IQCM: variants seen among roughly 807,000 people sequenced by gnomAD.
IQCM encodes IQ domain-containing protein M.
Under a neutral mutation model 57.6 loss-of-function variants are expected in IQCM, and 45 were observed. The ratio of observed to expected loss-of-function variants is 0.78; its 90% CI spans 0.62 to 1.00. The LOEUF (loss-of-function observed/expected upper bound fraction) is 1.00, where lower values mean the gene tolerates loss of function less well. Ranked by LOEUF, IQCM falls within the 50% of genes least tolerant of loss-of-function variation. IQCM has a pLI of 0.00. For synonymous variants in IQCM, 148 were observed against 158.9 expected, an observed-to-expected ratio of 0.93 and a Z score of 0.51; for missense variants, 468 against 511.6, an observed-to-expected ratio of 0.91 and a Z score of 0.82.
At chr4:149,721,665 T>C (rs1341004502) in intron 5 of IQCM, among the ~76,000 whole-genome samples, 1 of 152,208 alleles carries the variant, frequency 6.6e-6, no homozygotes, top group South Asian at 2.1e-4. Flanking sequence ...GGTATAAATA[T>C]ACCACATTTT....
intron 5 of IQCM, among the ~76,000 whole-genome samples, chr4:149,697,076 C>T (rs1482069605): frequency 2.6e-5 from 4 of 151,974 alleles, no homozygotes; most frequent in East Asian, 1.9e-4. Context: ...TCATAACATT[C>T]GTCTTTAAAT....
chr4:149,550,581 CT>C, intron 11 of IQCM, among the ~76,000 whole-genome samples: 1 of 152,012 alleles, frequency 6.6e-6, no homozygotes, highest in Non-Finnish European at 1.5e-5. Context: ...ATATTATGCC[CT>C]ATGAGCAAAC....
At chr4:149,449,458 T>C (rs938153080) in intron 12 of IQCM, among the ~76,000 whole-genome samples, 2 of 147,978 alleles carry the variant, frequency 1.4e-5, no homozygotes, top group East Asian at 3.9e-4. Flanking sequence ...ATCCTACTAA[T>C]ATTTTATTAT....
chr4:149,795,319 T>A (rs1773012201), intron 2 of IQCM, among the ~76,000 whole-genome samples: 1 of 152,080 alleles, frequency 6.6e-6, no homozygotes, highest in African/African-American at 2.4e-5. Flanking sequence ...GGCATTTAAC[T>A]CAGTGCTGTG....
intron 5 of IQCM, among the ~76,000 whole-genome samples, chr4:149,730,565 TC>T (rs1349679128): frequency 6.6e-6 from 1 of 152,204 alleles, no homozygotes; most frequent in African/African-American, 2.4e-5. Context: ...AACATCATAA[TC>T]ACTTTCTCAG....
chr4:149,615,024 A>C (rs1279006897), intron 8 of IQCM, among the ~76,000 whole-genome samples: 3 of 152,242 alleles, frequency 2.0e-5, no homozygotes, highest in African/African-American at 7.2e-5. Context: ...GAAATTACTT[A>C]TACAAATTTC....
intron 13 of IQCM, among the ~76,000 whole-genome samples, chr4:149,423,720 A>G (rs2111228546): frequency 6.6e-6 from 1 of 152,136 alleles, no homozygotes; most frequent in Non-Finnish European, 1.5e-5. Flanking sequence ...CTAAACCAAT[A>G]CATGAGAGGG....
At chr4:149,364,525 T>C (rs1729704358) in intron 13 of IQCM, among the ~76,000 whole-genome samples, 1 of 152,024 alleles carries the variant, frequency 6.6e-6, no homozygotes, top group Non-Finnish European at 1.5e-5. Context: ...TAATGGCTCC[T>C]AAGGTCCAGG....
At chr4:149,619,592 CA>C (rs1756135912) in intron 8 of IQCM, among the ~76,000 whole-genome samples, 1 of 151,802 alleles carries the variant, frequency 6.6e-6, no homozygotes, top group Non-Finnish European at 1.5e-5. Flanking sequence ...TTTTGGTTTA[CA>C]GAAAAAAATA....
At chr4:149,802,349 C>T (rs1773679707) in intron 2 of IQCM, among the ~76,000 whole-genome samples, 1 of 151,950 alleles carries the variant, frequency 6.6e-6, no homozygotes, top group African/African-American at 2.4e-5. Flanking sequence ...CTAAATATTA[C>T]CTCTCGTAGT....
intron 13 of IQCM, among the ~76,000 whole-genome samples, chr4:149,360,224 G>T (rs1168268935): frequency 6.6e-6 from 1 of 151,826 alleles, no homozygotes; most frequent in Non-Finnish European, 1.5e-5. Flanking sequence ...AATATATTTG[G>T]AAAAATGCAA....
At chr4:149,706,260 TC>T (rs1764152983) in intron 5 of IQCM, among the ~76,000 whole-genome samples, 1 of 151,912 alleles carries the variant, frequency 6.6e-6, no homozygotes, top group Non-Finnish European at 1.5e-5. Context: ...CCCATTTAGC[TC>T]TGAAAGTCTA....
chr4:149,552,272 C>G (rs868622484), intron 11 of IQCM, among the ~76,000 whole-genome samples: 47 of 152,022 alleles, frequency 3.1e-4, no homozygotes, highest in Non-Finnish European at 2.4e-4. Context: ...AGACATAATC[C>G]CTTTCTTCAT....
At position 149,553,136 on chromosome 4, in the gene IQCM, C is replaced by T. The variant is rs868160688; in HGVS notation, c.1093+7G>A. 2.4e-6 allele frequency: 3 copies of T among 1,231,866 alleles called. No homozygotes were observed. Among genetic ancestry groups the T allele is most frequent in the Middle Eastern group, 6.2e-4 (2 of 3,206 alleles). 76.3% of individuals were successfully genotyped at this position (1,231,866 alleles called of 1,614,324 possible). A position where few individuals can be genotyped will look rare whatever the true frequency, so the allele number is the denominator to read the frequency against. ...AAATTCAAACCAGAAGTGTCTGCAT[C>T]ACTTACATTTTTTTCGGTCCATCCA... is the stretch of plus-strand genomic sequence containing the variant. On this transcript the variant is annotated splice_region_variant and intron_variant, in intron 11 of 13. Transcript: ENST00000636793.
At chr4:149,706,625 T>C (rs1160546756) in intron 5 of IQCM, among the ~76,000 whole-genome samples, 1 of 152,030 alleles carries the variant, frequency 6.6e-6, no homozygotes, top group African/African-American at 2.4e-5. Context: ...GTCCTATTGT[T>C]ACTAAACCAA....
At chr4:149,412,010 GT>G (rs1277347593) in intron 13 of IQCM, among the ~76,000 whole-genome samples, 1 of 151,922 alleles carries the variant, frequency 6.6e-6, no homozygotes, top group Non-Finnish European at 1.5e-5. Context: ...TATTTTAAAT[GT>G]CTTCATAGAT....
At chr4:149,540,143 C>A (rs546447525) in intron 12 of IQCM, among the ~76,000 whole-genome samples, 1 of 150,542 alleles carries the variant, frequency 6.6e-6, no homozygotes, top group African/African-American at 2.4e-5. Flanking sequence ...TGAGCATGCC[C>A]AGAAGAAAGG....
rs550667625 is a variant in IQCM at position 149,669,703 on chromosome 4, G to A, written c.565+12415C>T. Among the ~76,000 whole-genome samples the A allele has an allele frequency of 6.2e-4, 94 of 152,022 alleles. 2 individuals carry two copies. In the South Asian group the frequency reaches 0.017, roughly 27 times the overall value. On this transcript the variant is annotated intron_variant, in intron 7 of 13. Transcript: ENST00000636793. ...TTCAGCTTTCTACATATGGCTAGCC[G>A]GTTTTCCCAGCACCATTTATTAAAT...
chr4:149,360,172 A>G (rs759571723), intron 13 of IQCM, among the ~76,000 whole-genome samples: 9 of 152,192 alleles, frequency 5.9e-5, no homozygotes, highest in Admixed American at 2.0e-4. Flanking sequence ...GTATATAAGT[A>G]TAGTCAGCCT....
Sources: gnomAD v4.1 joint callset for allele counts (sites outside exome capture counted in the v4.1 genomes callset) on GRCh38, gnomAD v4.1.1 for gene constraint, MANE v1.5 for transcripts, NCBI Gene and HGNC (gene_info 2026-07-23, HGNC 2026-07-21) for gene names.